C6orf132: variants seen among roughly 807,000 people sequenced by gnomAD.
C6orf132 encodes uncharacterized protein C6orf132.
In C6orf132, 43 loss-of-function variants were observed where a neutral mutation model predicts 65.3. The observed-to-expected ratio is 0.66, with a 90% CI of 0.52 to 0.85. C6orf132 has a LOEUF of 0.85. C6orf132 is among the 40% of genes least tolerant of loss of function. The pLI is 0.00. For missense variants in C6orf132, 1,488 were observed against 1,548.8 expected (o/e 0.96, Z 0.66); for synonymous variants, 631 against 654.1 (o/e 0.96, Z 0.54).
chr6:42,122,316 C>T (rs1365749895), intron 2 of C6orf132, among the ~76,000 whole-genome samples: 3 of 152,194 alleles, frequency 2.0e-5, no homozygotes, highest in African/African-American at 7.2e-5. Flanking sequence ...AGAGGGCGCA[C>T]CACGTCCCTG....
At chr6:42,113,265 A>G (rs1360000241) in intron 2 of C6orf132, among the ~76,000 whole-genome samples, 1 of 152,228 alleles carries the variant, frequency 6.6e-6, no homozygotes, top group Non-Finnish European at 1.5e-5. Flanking sequence ...AAAAGCGGAA[A>G]GGCTGGGGAC....
intron 1 of C6orf132, among the ~76,000 whole-genome samples, chr6:42,139,320 T>G (rs891788347): frequency 1.3e-5 from 2 of 152,128 alleles, no homozygotes; most frequent in African/African-American, 4.8e-5. Flanking sequence ...TCTACAGCAG[T>G]GTTAGGAAGA....
intron 1 of C6orf132, among the ~76,000 whole-genome samples, chr6:42,138,835 T>G (rs1766990898): frequency 1.4e-5 from 1 of 71,994 alleles, no homozygotes; most frequent in South Asian, 5.5e-4. Flanking sequence ...ACATCTCTGC[T>G]TTCTCATGCA....
chr6:42,111,572 G>A (rs779962599), intron 2 of C6orf132, among the ~76,000 whole-genome samples: 8 of 151,998 alleles, frequency 5.3e-5, no homozygotes, highest in African/African-American at 1.9e-4. Flanking sequence ...GTGAGCCACC[G>A]CGCCCAGCCC....
At position 42,142,178 on chromosome 6, in the gene C6orf132, C is replaced by T. The variant is rs1023105980; in HGVS notation, c.145+122G>A. ...CCTCCTCCCCTGCCCGGCGGCTGCT[C>T]TCGGCCAGTCCGCAGGTTCCAACGT... is the stretch of plus-strand genomic sequence containing the variant. On this transcript the variant is annotated intron_variant, in intron 1 of 4. Coordinates refer to ENST00000341865, the MANE Select transcript of C6orf132 (RefSeq NM_001164446.3). 5.1e-6 allele frequency: 6 copies of T among 1,175,640 alleles called. No individual in the cohort carries two copies. In the Admixed American group the frequency reaches 1.3e-4, roughly 25 times the overall value. The allele number at this position is 1,175,640 out of a possible 1,614,324, so 72.8% of individuals were successfully genotyped here.
At chr6:42,112,051 C>T (rs4562136) in intron 2 of C6orf132, among the ~76,000 whole-genome samples, 36,955 of 152,030 alleles carry the variant, frequency 0.24, 5,109 homozygotes, top group African/African-American at 0.38. Context: ...CCATATAGTC[C>T]GTGTTCATCC....
chr6:42,107,513 A>G lies in C6orf132; in HGVS notation c.399T>C (p.Tyr133=), dbSNP rs1167738763. Residue 133 remains tyrosine, a synonymous_variant, in exon 4 of 5, where the codon TAT becomes TAC. Coordinates refer to ENST00000341865, the MANE Select transcript of C6orf132 (RefSeq NM_001164446.3). ...SSVGDLRPGQ[Y]GQDLLIPPPP... ...GTGGGGGGATGAGTAGATCCTGGCC[A>G]TATTGTCCAGGCCTCAGGTCACCCA... The G allele has an allele frequency of 2.0e-5, 31 of 1,550,082 alleles. No individual in the cohort carries two copies. In the South Asian group the frequency reaches 3.3e-4, roughly 17 times the overall value.
intron 1 of C6orf132, among the ~76,000 whole-genome samples, chr6:42,131,073 A>T (rs1766845142): frequency 6.6e-6 from 1 of 151,958 alleles, no homozygotes; most frequent in Non-Finnish European, 1.5e-5. Context: ...TTTAGTAGAG[A>T]CGGGGTTTCA....
At position 42,124,870 on chromosome 6, in the gene C6orf132, G is replaced by A. The variant is rs1003557746; in HGVS notation, c.252+3802C>T. 6.6e-6 allele frequency among the ~76,000 whole-genome samples: 1 copy of A among 152,200 alleles called. No individual in the cohort carries two copies. The highest frequency in any genetic ancestry group is 2.1e-4 in the South Asian group (1 of 4,836). On this transcript the variant is annotated intron_variant, in intron 2 of 4. Transcript: ENST00000341865. This position sits in a 1 kb window ranked among gnomAD's most constrained non-coding sequence, Gnocchi z 4.0. ...GATTCCCCTCCACCCGGGAGCAAGC[G>A]ACGAACGACATGGAAGCTGCCCTAT...
chr6:42,138,646 G>T (rs12192374), intron 1 of C6orf132, among the ~76,000 whole-genome samples: 5,779 of 152,242 alleles, frequency 0.038, 157 homozygotes, highest in South Asian at 0.076. Context: ...TAGAGGAACG[G>T]GGTAGGAAAG....
chr6:42,113,865 G>T (rs530651793), intron 2 of C6orf132, among the ~76,000 whole-genome samples: 1 of 151,992 alleles, frequency 6.6e-6, no homozygotes, highest in Non-Finnish European at 1.5e-5. Flanking sequence ...TGAGCCAATA[G>T]TTCCTACTTT....
chr6:42,122,940 T>C (rs533052501), intron 2 of C6orf132, among the ~76,000 whole-genome samples: 107 of 152,278 alleles, frequency 7.0e-4, no homozygotes, highest in Middle Eastern at 3.4e-3. Context: ...GGGCCAGTTT[T>C]CCCATACTTG....
chr6:42,117,843 G>A (rs2127475840), intron 2 of C6orf132, among the ~76,000 whole-genome samples: 1 of 93,110 alleles, frequency 1.1e-5, no homozygotes. Flanking sequence ...AGAATCACTT[G>A]AACCCAGGAG....
At chr6:42,115,934 C>CTTTTTTT (rs67542628) in intron 2 of C6orf132, among the ~76,000 whole-genome samples, 181 of 106,350 alleles carry the variant, frequency 1.7e-3, no homozygotes, top group South Asian at 2.7e-3. Flanking sequence ...TTTTCTTTTT[C>CTTTTTTT]TTTTTTTTTT....
At chr6:42,136,899 T>C (rs1226512602) in intron 1 of C6orf132, among the ~76,000 whole-genome samples, 2 of 152,094 alleles carry the variant, frequency 1.3e-5, no homozygotes, top group Non-Finnish European at 2.9e-5. Context: ...CCCCCAGCCC[T>C]GCAGGTGGGA....
intron 1 of C6orf132, among the ~76,000 whole-genome samples, chr6:42,135,385 C>T: frequency 6.6e-6 from 1 of 152,216 alleles, no homozygotes; most frequent in African/African-American, 2.4e-5. Context: ...CTGGCTCTCT[C>T]AGCCTGGGCT....
intron 1 of C6orf132, among the ~76,000 whole-genome samples, chr6:42,138,104 T>TGG (rs1351836039): frequency 6.6e-6 from 1 of 152,192 alleles, no homozygotes; most frequent in African/African-American, 2.4e-5. Context: ...TCTGACTTCC[T>TGG]GTGCCTGAGG....
At chr6:42,137,950 G>A (rs1766973208) in intron 1 of C6orf132, among the ~76,000 whole-genome samples, 1 of 152,256 alleles carries the variant, frequency 6.6e-6, no homozygotes, top group East Asian at 1.9e-4. Flanking sequence ...GGCGCAGGCC[G>A]GGGAGGCTGA....
intron 1 of C6orf132, 39 bp downstream of exon 1, chr6:42,142,261 C>G: frequency 6.5e-7 from 1 of 1,536,774 alleles, no homozygotes; most frequent in Non-Finnish European, 8.8e-7. Context: ...CAGCGCCCTC[C>G]GTCCCCGCCC....
Sources: allele counts gnomAD v4.1 joint callset (sites outside exome capture counted in the v4.1 genomes callset), GRCh38; gene constraint gnomAD v4.1.1; non-coding constraint Gnocchi (gnomAD v3.1); transcripts MANE v1.5; gene names NCBI Gene and HGNC (gene_info 2026-07-23, HGNC 2026-07-21).